Variants in UNC13C observed in about 807,000 individuals in gnomAD.
UNC13C encodes the protein protein unc-13 homolog C.
UNC13C carries 174 observed loss-of-function variants against 245.4 expected under a neutral mutation model. The ratio of observed to expected loss-of-function variants is 0.71; its 90% CI spans 0.63 to 0.80. The LOEUF is 0.80. Among genes scored for constraint, UNC13C ranks in the 30% least tolerant of loss-of-function variants. The pLI is 0.00. For missense variants in UNC13C, 2,829 were observed against 2,602.9 expected, an observed-to-expected ratio of 1.09 and a Z score of -1.89; for synonymous variants, 992 against 895.1, an observed-to-expected ratio of 1.11 and a Z score of -1.93.
intron 1 of UNC13C, among the ~76,000 whole-genome samples, chr15:53,988,588 A>C (rs1461120805): frequency 6.6e-6 from 1 of 151,920 alleles, no homozygotes; most frequent in Non-Finnish European, 1.5e-5. Context: ...GTATTGCAAC[A>C]GGAATGGTCT....
intron 19 of UNC13C, among the ~76,000 whole-genome samples, chr15:54,431,233 A>G (rs2040865400): frequency 6.6e-6 from 1 of 151,752 alleles, no homozygotes; most frequent in African/African-American, 2.4e-5. Context: ...ATAATTAACA[A>G]TTTTAAATAT....
the UNC13C span, among the ~76,000 whole-genome samples, chr15:53,858,770 G>A: frequency 1.3e-5 from 2 of 152,094 alleles, no homozygotes; most frequent in East Asian, 3.9e-4. Context: ...GTGGCCTAAT[G>A]GCTAACACAC....
chr15:54,420,513 C>T (rs2040618294), intron 19 of UNC13C, among the ~76,000 whole-genome samples: 3 of 151,532 alleles, frequency 2.0e-5, no homozygotes, highest in Admixed American at 6.6e-5. Flanking sequence ...AGAGAGTATG[C>T]GAGGTGATGA....
intron 17 of UNC13C, among the ~76,000 whole-genome samples, chr15:54,371,694 C>G (rs1300211167): frequency 6.9e-6 from 1 of 145,880 alleles, no homozygotes; most frequent in South Asian, 2.2e-4. Flanking sequence ...ATAAAATACC[C>G]CTTAATAATG....
At chr15:54,561,472 T>A (rs1286551612) in intron 29 of UNC13C, among the ~76,000 whole-genome samples, 1 of 151,660 alleles carries the variant, frequency 6.6e-6, no homozygotes, top group African/African-American at 2.4e-5. Flanking sequence ...GATAGAAAGT[T>A]TTTTTTTGGA....
At chr15:54,100,409 C>T (rs921549009) in intron 2 of UNC13C, among the ~76,000 whole-genome samples, 1 of 152,156 alleles carries the variant, frequency 6.6e-6, no homozygotes, top group Non-Finnish European at 1.5e-5. Flanking sequence ...ATTTAGCTTT[C>T]CTCCTACCTC....
chr15:54,047,021 G>A (rs2141044661), intron 2 of UNC13C, among the ~76,000 whole-genome samples: 1 of 152,100 alleles, frequency 6.6e-6, no homozygotes, highest in Admixed American at 6.5e-5. Context: ...ACTCTATAAT[G>A]TACAATGTCC....
intron 2 of UNC13C, among the ~76,000 whole-genome samples, chr15:54,018,927 A>G (rs989968156): frequency 1.8e-4 from 28 of 152,262 alleles, no homozygotes; most frequent in African/African-American, 6.3e-4. Context: ...GATACTAAAT[A>G]AAAAAACACA....
chr15:54,629,097 T>G (rs771343294), downstream of UNC13C: 1 of 152,178 alleles, frequency 6.6e-6, no homozygotes, highest in Non-Finnish European at 1.5e-5. Context: ...CGTGGAATAC[T>G]ATGCAGGCAT....
intron 14 of UNC13C, among the ~76,000 whole-genome samples, chr15:54,324,971 T>C (rs76227588): frequency 0.016 from 2,369 of 152,168 alleles, 68 homozygotes; most frequent in African/African-American, 0.055. Flanking sequence ...TGCATGATTT[T>C]TTTTATTCCT....
intron 4 of UNC13C, among the ~76,000 whole-genome samples, chr15:54,199,108 A>C (rs1320686168): frequency 1.3e-5 from 2 of 152,040 alleles, no homozygotes; most frequent in African/African-American, 4.8e-5. Context: ...GCTCGAAGAC[A>C]GGCTTTCCGA....
At chr15:54,550,115 A>C (rs1896673332) in intron 28 of UNC13C, among the ~76,000 whole-genome samples, 2 of 152,154 alleles carry the variant, frequency 1.3e-5, no homozygotes, top group Non-Finnish European at 2.9e-5. Context: ...GAGATTCCCA[A>C]AACACTGGAT....
intron 17 of UNC13C, among the ~76,000 whole-genome samples, chr15:54,382,361 G>A (rs1306788131): frequency 6.6e-6 from 1 of 152,114 alleles, no homozygotes; most frequent in East Asian, 1.9e-4. Context: ...GGCAGAGGCA[G>A]GCAGATTGCT....
chr15:54,399,687 G>A (rs1450612115), intron 18 of UNC13C, among the ~76,000 whole-genome samples: 3 of 151,766 alleles, frequency 2.0e-5, no homozygotes, highest in Non-Finnish European at 4.4e-5. Context: ...TTTTCCATTT[G>A]CAAGGATAAA....
chr15:54,240,110 T>C (rs1445158818), intron 7 of UNC13C, among the ~76,000 whole-genome samples: 1 of 152,142 alleles, frequency 6.6e-6, no homozygotes, highest in African/African-American at 2.4e-5. Context: ...GATCTGCTTT[T>C]CAACAACTTA....
At chr15:54,465,943 G>A (rs780926484) in intron 19 of UNC13C, among the ~76,000 whole-genome samples, 6 of 152,010 alleles carry the variant, frequency 3.9e-5, no homozygotes, top group Non-Finnish European at 8.8e-5. Context: ...CAAGAATCTT[G>A]TCCATCAACA....
intron 12 of UNC13C, 35 bp downstream of exon 12, chr15:54,297,961 AGAAATGT>A: frequency 7.8e-7 from 1 of 1,288,420 alleles, no homozygotes; most frequent in Non-Finnish European, 1.1e-6. Flanking sequence ...ACAAAATATA[AGAAATGT>A]TCTTGATTAT....
At chr15:54,384,827 A>T (rs974486458) in intron 17 of UNC13C, among the ~76,000 whole-genome samples, 18 of 152,120 alleles carry the variant, frequency 1.2e-4, no homozygotes, top group African/African-American at 3.9e-4. Context: ...AAAAATAATA[A>T]TTCTATTAAA....
intron 2 of UNC13C, among the ~76,000 whole-genome samples, chr15:54,023,189 G>C (rs1200677150): frequency 2.0e-5 from 3 of 152,206 alleles, no homozygotes; most frequent in African/African-American, 7.2e-5. Flanking sequence ...AGATGACTGA[G>C]TCTCAGAGGA....
Sources: allele counts gnomAD v4.1 joint callset (sites outside exome capture counted in the v4.1 genomes callset), GRCh38; gene constraint gnomAD v4.1.1; transcripts MANE v1.5; gene names NCBI Gene and HGNC (gene_info 2026-07-23, HGNC 2026-07-21).